Variants in IQSEC1 observed in about 807,000 individuals in gnomAD.
IQSEC1 encodes the protein IQ motif and Sec7 domain ArfGEF 1.
A neutral mutation model predicts 91.0 loss-of-function variants in IQSEC1; 31 were observed. That is an observed-to-expected ratio of 0.34 (90% CI 0.26 to 0.46). IQSEC1 has a LOEUF of 0.46. Ranked by LOEUF, IQSEC1 falls within the 20% of genes least tolerant of loss-of-function variation. The pLI is 1.00. For synonymous variants in IQSEC1, 699 were observed against 662.6 expected, an observed-to-expected ratio of 1.05 and a Z score of -0.84; for missense variants, 1,388 against 1,575.6, an observed-to-expected ratio of 0.88 and a Z score of 2.02.
chr3:13,018,729 G>A (rs1387440273), intron 1 of IQSEC1, among the ~76,000 whole-genome samples: 4 of 152,106 alleles, frequency 2.6e-5, no homozygotes, highest in Admixed American at 6.5e-5. Flanking sequence ...TCTCACAGGC[G>A]GGGAAACAGG....
chr3:13,261,661 A>G (rs6442366), intron 1 of IQSEC1, among the ~76,000 whole-genome samples: 57,862 of 151,386 alleles, frequency 0.38, 14,114 homozygotes, highest in African/African-American at 0.71. Flanking sequence ...CTGAGCTCCC[A>G]GGGCAGAGCC....
chr3:13,158,279 C>A (rs1366122833), intron 2 of IQSEC1, among the ~76,000 whole-genome samples: 1 of 152,220 alleles, frequency 6.6e-6, no homozygotes, highest in African/African-American at 2.4e-5. Flanking sequence ...AGAAAGAGTT[C>A]AGCTCTGTCT....
intron 1 of IQSEC1, among the ~76,000 whole-genome samples, chr3:13,221,706 G>T (rs992452225): frequency 6.6e-6 from 1 of 152,262 alleles, no homozygotes. Context: ...ATGGGGCAGC[G>T]TGTGGCTCCA....
intron 1 of IQSEC1, chr3:12,986,918 T>C (rs2125611351): frequency 3.0e-6 from 1 of 328,010 alleles, no homozygotes; most frequent in Non-Finnish European, 6.2e-6. Context: ...GACATTTTAT[T>C]TTCCAGCTAG....
intron 13 of IQSEC1, 97 bp downstream of exon 13, chr3:12,902,670 CAAAAAA>C (rs1213830618): frequency 1.0e-3 from 194 of 192,580 alleles, no homozygotes; most frequent in African/African-American, 4.8e-3. Flanking sequence ...AAAAAAAAAC[CAAAAAA>C]AAAAAAAAAA....
intron 1 of IQSEC1, among the ~76,000 whole-genome samples, chr3:12,949,219 C>A (rs943592795): frequency 6.6e-6 from 1 of 152,228 alleles, no homozygotes; most frequent in Admixed American, 6.5e-5. Context: ...ATGCTGCTGG[C>A]AGCTTGGACA....
rs191147249 is a variant in IQSEC1 at position 13,213,977 on chromosome 3, C to A, written c.273-49844G>T. ...AGTCCCATCTAGGGCCCTCTCCCAA[C>A]CCCAACCTGGACCCATCGCTCTCCC... On this transcript the variant is annotated intron_variant, in intron 1 of 15. Transcript: ENST00000648114. Among the ~76,000 whole-genome samples the A allele has an allele frequency of 2.6e-5, 4 of 152,240 alleles. No individual in the cohort carries two copies. In the East Asian group the frequency reaches 7.7e-4, roughly 29 times the overall value.
intron 1 of IQSEC1, among the ~76,000 whole-genome samples, chr3:13,262,453 TA>T (rs1370417818): frequency 6.6e-6 from 1 of 152,196 alleles, no homozygotes; most frequent in Non-Finnish European, 1.5e-5. Flanking sequence ...TTTCCTGGTC[TA>T]TAAAATGCAG....
intron 1 of IQSEC1, among the ~76,000 whole-genome samples, chr3:13,229,570 G>A (rs1350084118): frequency 6.6e-6 from 1 of 152,228 alleles, no homozygotes; most frequent in Non-Finnish European, 1.5e-5. Context: ...GAAATGTGGT[G>A]GGAGGAGGGG....
chr3:13,184,954 G>GT (rs1437930115), intron 1 of IQSEC1, among the ~76,000 whole-genome samples: 1 of 152,176 alleles, frequency 6.6e-6, no homozygotes, highest in Admixed American at 6.5e-5. Flanking sequence ...CAGTTCCCGA[G>GT]TAGGGCCATG....
In IQSEC1 at chr3:12,901,620, T is replaced by G. The variant is rs61347807; in HGVS notation, c.2806-98A>C. 1,448 of 1,036,760 alleles carry G rather than the reference T, an allele frequency of 1.4e-3. 14 individuals carry two copies. In the African/African-American group the frequency reaches 0.017, roughly 12 times the overall value. The allele number at this position is 1,036,760 out of a possible 1,614,324, so 64.2% of individuals were successfully genotyped here. A position where few individuals can be genotyped will look rare whatever the true frequency, so the allele number is the denominator to read the frequency against. On this transcript the variant is annotated intron_variant, in intron 13 of 13. Transcript: ENST00000613206. ...CAAATGTAAAAATTCACCCACTGAC[T>G]GCTAAGCTTTAGTTCAACTCACTGG... is the stretch of plus-strand genomic sequence containing the variant.
intron 1 of IQSEC1, among the ~76,000 whole-genome samples, chr3:13,223,635 G>C (rs891564062): frequency 6.6e-6 from 1 of 152,220 alleles, no homozygotes; most frequent in African/African-American, 2.4e-5. Flanking sequence ...GCACCCATCA[G>C]CCAGATCTGA....
intron 1 of IQSEC1, among the ~76,000 whole-genome samples, chr3:12,945,561 C>T (rs997099875): frequency 3.3e-5 from 5 of 151,280 alleles, no homozygotes; most frequent in African/African-American, 4.9e-5. Flanking sequence ...AACCCAACTT[C>T]AAACCACCCC....
In IQSEC1 at chr3:13,214,306, C is replaced by T. The variant is rs1268666427; in HGVS notation, c.273-50173G>A. 6.6e-6 allele frequency among the ~76,000 whole-genome samples: 1 copy of T among 152,194 alleles called. No homozygotes were observed. Among genetic ancestry groups the T allele is most frequent in the Non-Finnish European group, 1.5e-5 (1 of 68,044 alleles). On this transcript the variant is annotated intron_variant, in intron 1 of 15. Transcript: ENST00000648114. This position sits in a 1 kb window ranked among gnomAD's most constrained non-coding sequence, Gnocchi z 4.5. ...TTAACATCAGCCTTCTGCAGAGGAC[C>T]CGGAACACCACATCTGCTGCTCCCA...
At chr3:13,052,775 A>C (rs2125067432) in intron 1 of IQSEC1, among the ~76,000 whole-genome samples, 1 of 151,942 alleles carries the variant, frequency 6.6e-6, no homozygotes, top group East Asian at 1.9e-4. Flanking sequence ...TTTTTTTTTA[A>C]ATGAAAGGTC....
Position 12,936,161 on chromosome 3 carries a change from C to A in IQSEC1, c.855G>T (p.Ser285=), listed in dbSNP as rs772363453. ...CGATGTACAGGGTGACATCACTGTA[C>A]GAGGCCGTCATCTCGTCCAGTTTGC... is the stretch of plus-strand genomic sequence containing the variant. The part of the protein sequence containing the change: ...DHRKLDEMTA[S]YSDVTLYIDE... The change falls in exon 3 of 14, where the codon TCG becomes TCT. Residue 285 remains serine, a synonymous_variant. Transcript: ENST00000613206. 2.4e-5 allele frequency: 39 copies of A among 1,612,608 alleles called. No individual in the cohort carries two copies. In the Admixed American group the frequency reaches 5.7e-4, roughly 23 times the overall value.
At chr3:13,261,293 T>A (rs1041423414) in intron 1 of IQSEC1, among the ~76,000 whole-genome samples, 1 of 152,166 alleles carries the variant, frequency 6.6e-6, no homozygotes, top group Non-Finnish European at 1.5e-5. Flanking sequence ...CCGGTCGATG[T>A]GGAGGGACAA....
rs2125026248 is a variant in IQSEC1, at chr3:13,037,133, T to G, written c.23+35859A>C. ...ATCTCTCTTTCTCTCCTCTTTACAT[T>G]AAAAAAACCACCTGGCTTTCAATAT... is the stretch of plus-strand genomic sequence containing the variant. On this transcript the variant is annotated intron_variant, in intron 1 of 13. Coordinates refer to ENST00000613206, the MANE Select transcript of IQSEC1 (RefSeq NM_001134382.3). Among the ~76,000 whole-genome samples the G allele has an allele frequency of 2.0e-5, 3 of 152,106 alleles. No homozygotes were observed. The South Asian group carries it at 6.2e-4, about 32-fold the overall frequency.
chr3:13,030,027 C>T (rs1045716335), intron 1 of IQSEC1, among the ~76,000 whole-genome samples: 3 of 152,162 alleles, frequency 2.0e-5, no homozygotes, highest in African/African-American at 7.2e-5. Context: ...TGGTCTTGAA[C>T]TCCTGGCCTC....
Sources: allele counts gnomAD v4.1 joint callset (sites outside exome capture counted in the v4.1 genomes callset), GRCh38; gene constraint gnomAD v4.1.1; non-coding constraint Gnocchi (gnomAD v3.1); transcripts MANE v1.5; gene names NCBI Gene and HGNC (gene_info 2026-07-23, HGNC 2026-07-21).